The following GOLIM4 variants were observed in gnomAD, a reference collection of about 807,000 sequenced individuals.
GOLIM4 encodes the protein 130 kDa golgi-localized phosphoprotein.
Under a neutral mutation model 107.4 loss-of-function variants are expected in GOLIM4, and 71 were observed. The observed-to-expected ratio is 0.66, with a 90% CI of 0.55 to 0.81. The LOEUF is 0.81. GOLIM4 is among the 30% of genes least tolerant of loss of function. The pLI is 0.00. For missense variants in GOLIM4, 830 were observed against 826.1 expected (o/e 1.00, Z -0.06); for synonymous variants, 327 against 294.8 (o/e 1.11, Z -1.12).
intron 1 of GOLIM4, among the ~76,000 whole-genome samples, chr3:168,049,776 T>C (rs528449103): frequency 3.9e-5 from 6 of 152,182 alleles, no homozygotes; most frequent in Admixed American, 3.9e-4. Flanking sequence ...TTCTCCATTG[T>C]TATGATGGCC....
At chr3:168,056,657 A>T (rs1203257625) in intron 1 of GOLIM4, among the ~76,000 whole-genome samples, 4 of 152,160 alleles carry the variant, frequency 2.6e-5, no homozygotes, top group Non-Finnish European at 5.9e-5. Flanking sequence ...ATCAAAGGAG[A>T]TAGTTCCAGA....
chr3:168,011,094 G>A (rs547323746), intron 14 of GOLIM4, among the ~76,000 whole-genome samples: 2 of 152,150 alleles, frequency 1.3e-5, no homozygotes, highest in Admixed American at 6.5e-5. Flanking sequence ...TGTGAGCGAC[G>A]CAGAAGACAG....
At chr3:168,033,211 CA>C (rs1718435869) in intron 8 of GOLIM4, among the ~76,000 whole-genome samples, 1 of 152,072 alleles carries the variant, frequency 6.6e-6, no homozygotes, top group Non-Finnish European at 1.5e-5. Flanking sequence ...TAATTTTCTT[CA>C]ATGTAAATTT....
intron 1 of GOLIM4, among the ~76,000 whole-genome samples, chr3:168,073,886 G>A (rs73037497): frequency 0.014 from 2,179 of 152,248 alleles, 55 homozygotes; most frequent in African/African-American, 0.05. Context: ...GTGACCTCTA[G>A]CACCTGGTAC....
At chr3:168,011,535 G>A (rs1339939750) in intron 14 of GOLIM4, among the ~76,000 whole-genome samples, 1 of 151,816 alleles carries the variant, frequency 6.6e-6, no homozygotes, top group African/African-American at 2.4e-5. Flanking sequence ...ACTGGGCGGA[G>A]CCCACCACAG....
intron 6 of GOLIM4, 33 bp from the exon 7 acceptor site, chr3:168,040,902 T>A: frequency 1.4e-6 from 2 of 1,383,530 alleles, no homozygotes; most frequent in Non-Finnish European, 2.1e-6. Flanking sequence ...TGTTGAGCTT[T>A]AACATTCTAC....
intron 2 of GOLIM4, among the ~76,000 whole-genome samples, chr3:168,047,226 A>G (rs1221965819): frequency 1.3e-5 from 2 of 152,212 alleles, no homozygotes; most frequent in East Asian, 3.8e-4. Flanking sequence ...CATCCACAAA[A>G]TCCAAATTAT....
At chr3:168,073,307 T>C (rs1403583518) in intron 1 of GOLIM4, among the ~76,000 whole-genome samples, 1 of 152,220 alleles carries the variant, frequency 6.6e-6, no homozygotes, top group African/African-American at 2.4e-5. Context: ...GCATAGTGCC[T>C]TTCTATATAA....
At chr3:168,069,754 A>G (rs965555234) in intron 1 of GOLIM4, among the ~76,000 whole-genome samples, 8 of 135,590 alleles carry the variant, frequency 5.9e-5, no homozygotes, top group Admixed American at 4.9e-4. Context: ...AATATACTGC[A>G]TAAGAGAAAT....
intron 7 of GOLIM4, among the ~76,000 whole-genome samples, chr3:168,038,728 T>C (rs958152457): frequency 6.6e-6 from 1 of 152,088 alleles, no homozygotes; most frequent in Non-Finnish European, 1.5e-5. Context: ...TGAAACAGCA[T>C]TTTTTTTAAA....
chr3:168,026,566 G>A (rs1718006031), intron 12 of GOLIM4, among the ~76,000 whole-genome samples: 1 of 152,148 alleles, frequency 6.6e-6, no homozygotes, highest in Non-Finnish European at 1.5e-5. Context: ...GGATCATATA[G>A]TCAAGAAATC....
chr3:168,071,239 T>C (rs1720815546), intron 1 of GOLIM4, among the ~76,000 whole-genome samples: 1 of 152,228 alleles, frequency 6.6e-6, no homozygotes, highest in Admixed American at 6.5e-5. Context: ...AGATTTGCAT[T>C]CAAGTTCCTT....
At chr3:168,018,063 A>T (rs1352428226) in intron 14 of GOLIM4, among the ~76,000 whole-genome samples, 1 of 152,214 alleles carries the variant, frequency 6.6e-6, no homozygotes, top group Non-Finnish European at 1.5e-5. Flanking sequence ...AAAATGTTTA[A>T]GTCACTTGAA....
chr3:168,016,982 T>C (rs1323148810), intron 14 of GOLIM4, among the ~76,000 whole-genome samples: 1 of 150,192 alleles, frequency 6.7e-6, no homozygotes, highest in African/African-American at 2.5e-5. Context: ...GCATGGCACA[T>C]GTATACATAT....
At chr3:168,083,200 G>A (rs1427590823) in intron 1 of GOLIM4, among the ~76,000 whole-genome samples, 6 of 152,152 alleles carry the variant, frequency 3.9e-5, no homozygotes, top group African/African-American at 1.2e-4. Context: ...CAAAGTAGGA[G>A]TGAATGAACA....
intron 11 of GOLIM4, among the ~76,000 whole-genome samples, chr3:168,028,634 C>T (rs6761972): frequency 0.021 from 3,180 of 152,162 alleles, 122 homozygotes; most frequent in African/African-American, 0.073. Flanking sequence ...TGCCACATGG[C>T]GGACATAAGG....
chr3:168,071,957 C>G (rs1315817139), intron 1 of GOLIM4, among the ~76,000 whole-genome samples: 1 of 152,106 alleles, frequency 6.6e-6, no homozygotes, highest in Non-Finnish European at 1.5e-5. Flanking sequence ...TACAACATAG[C>G]ACTTAAATCT....
intron 14 of GOLIM4, among the ~76,000 whole-genome samples, chr3:168,020,268 T>C (rs1717608273): frequency 6.6e-6 from 1 of 152,146 alleles, no homozygotes; most frequent in African/African-American, 2.4e-5. Flanking sequence ...TTTAAGACTT[T>C]GGTTAGAAAG....
rs1298351007 is a variant in GOLIM4 at position 168,029,286 on chromosome 3, C to T, written c.1450G>A (p.Asp484Asn). 2.5e-6 allele frequency: 4 copies of T among 1,605,600 alleles called. No homozygotes were observed. The highest frequency in any genetic ancestry group is 3.4e-6 in the Non-Finnish European group (4 of 1,174,554). The change falls in exon 11 of 16, where the codon GAT (aspartate) becomes AAT (asparagine). Residue 484 changes from aspartate to asparagine, a missense_variant. Transcript: ENST00000470487. ...QEQLRQQAHY[D>N]AMDNDIVQGA... ...TGAACGATATCATTATCCATAGCAT[C>T]ATAATGAGCTTGCTGCCTACAAGAG...
Sources: allele counts gnomAD v4.1 joint callset (sites outside exome capture counted in the v4.1 genomes callset), GRCh38; gene constraint gnomAD v4.1.1; transcripts MANE v1.5; gene names NCBI Gene and HGNC (gene_info 2026-07-23, HGNC 2026-07-21).